Variants in BPNT2 observed in about 807,000 individuals in gnomAD.
BPNT2 encodes Golgi-resident adenosine 3',5'-bisphosphate 3'-phosphatase.
Under a neutral mutation model 29.3 loss-of-function variants are expected in BPNT2, and 11 were observed. The ratio of observed to expected loss-of-function variants is 0.38; its 90% CI spans 0.24 to 0.62. BPNT2 has a LOEUF of 0.62. BPNT2 is among the 20% of genes least tolerant of loss of function. The pLI, the probability that BPNT2 is intolerant of heterozygous loss-of-function variation, is 0.62. For missense variants in BPNT2, 459 were observed against 473.4 expected, an observed-to-expected ratio of 0.97 and a Z score of 0.28; for synonymous variants, 195 against 187.7, an observed-to-expected ratio of 1.04 and a Z score of -0.32.
intron 1 of BPNT2, 103 bp downstream of exon 1, chr8:56,993,096 T>C: frequency 1.3e-6 from 2 of 1,526,392 alleles, no homozygotes; most frequent in Admixed American, 2.0e-5. Flanking sequence ...AATTTCCACA[T>C]CTACAAAATG....
intron 3 of BPNT2, among the ~76,000 whole-genome samples, chr8:56,974,760 C>A (rs1192002679): frequency 6.6e-6 from 1 of 152,120 alleles, no homozygotes; most frequent in African/African-American, 2.4e-5. Flanking sequence ...TTTTTAGAAA[C>A]CACTTTTTGC....
intron 3 of BPNT2, among the ~76,000 whole-genome samples, chr8:56,976,313 C>T (rs1158888451): frequency 6.6e-6 from 1 of 152,138 alleles, no homozygotes; most frequent in Non-Finnish European, 1.5e-5. Context: ...TATATACTGT[C>T]TGTTAGAGAA....
chr8:56,966,144 C>A (rs1805944969), intron 4 of BPNT2, 47 bp downstream of exon 4: 1 of 1,601,082 alleles, frequency 6.2e-7, no homozygotes, highest in Non-Finnish European at 8.6e-7. Flanking sequence ...ATAGCCTTGA[C>A]CATGCCAGGA....
At position 56,960,115 on chromosome 8, in the gene BPNT2, T is replaced by C. The variant is rs1239195142; in HGVS notation, c.*3678A>G. Reference sequence around the variant, plus strand: ...AGAATAATTCCAACAGTTCCTGTTTTAACCTGTCAGATTGTCTCCAAAAGG... The same window carrying C: ...AGAATAATTCCAACAGTTCCTGTTTCAACCTGTCAGATTGTCTCCAAAAGG... On this transcript the variant is annotated 3_prime_UTR_variant, in exon 5 of 5. Coordinates refer to ENST00000262644, the MANE Select transcript of BPNT2 (RefSeq NM_017813.5). 1 of 152,230 alleles carries C rather than the reference T, an allele frequency of 6.6e-6. No homozygotes were observed. The highest frequency in any genetic ancestry group is 1.5e-5 in the Non-Finnish European group (1 of 68,042). 9.4% of individuals were successfully genotyped at this position (152,230 alleles called of 1,614,324 possible). A position where few individuals can be genotyped will look rare whatever the true frequency, so the allele number is the denominator to read the frequency against.
intron 1 of BPNT2, among the ~76,000 whole-genome samples, chr8:56,987,324 G>T (rs570462506): frequency 1.6e-4 from 25 of 152,332 alleles, no homozygotes; most frequent in African/African-American, 4.3e-4. Flanking sequence ...ATTTGTGAGG[G>T]TGTTTCTGGA....
intron 1 of BPNT2, among the ~76,000 whole-genome samples, chr8:56,988,465 G>A (rs542574438): frequency 6.6e-6 from 1 of 152,310 alleles, no homozygotes; most frequent in South Asian, 2.1e-4. Flanking sequence ...TAAGAAGACT[G>A]AAAGAGAAAA....
In BPNT2 at chr8:56,993,337, G is replaced by A; in HGVS notation, c.249C>T (p.Arg83=). ...CGTGGAGGACGTTGCTCTCGCGGAC[G>A]CGCCTCACCTCGTCGCCGCCGCGGA... ...AAVRGGDEVR[R]VRESNVLHEK... is the part of the protein sequence containing the mutation. Residue 83 remains arginine (R), a synonymous_variant, in exon 1 of 5, where the codon CGC becomes CGT. Transcript: ENST00000262644. 1.2e-6 allele frequency: 2 copies of A among 1,611,404 alleles called. No homozygotes were observed. The highest frequency in any genetic ancestry group is 1.7e-6 in the Non-Finnish European group (2 of 1,179,918).
rs1039585429 is a variant in BPNT2, at chr8:56,958,881, G to A, written c.*4912C>T. ...GTCCATAAACGTGCCCTCCTAACAC[G>A]AGAATAAGAAAGGTGGCTGAAGTAG... On this transcript the variant is annotated 3_prime_UTR_variant, in exon 5 of 5. Coordinates refer to ENST00000262644, the MANE Select transcript of BPNT2 (RefSeq NM_017813.5). 2 of 152,170 alleles carry A rather than the reference G, an allele frequency of 1.3e-5. No individual in the cohort carries two copies. Among genetic ancestry groups the A allele is most frequent in the African/African-American group, 2.4e-5 (1 of 41,440 alleles). 9.4% of individuals were successfully genotyped at this position (152,170 alleles called of 1,614,324 possible).
intron 1 of BPNT2, among the ~76,000 whole-genome samples, chr8:56,985,463 C>T (rs1806312900): frequency 6.6e-6 from 1 of 152,124 alleles, no homozygotes; most frequent in Non-Finnish European, 1.5e-5. Flanking sequence ...CCAATCCCTG[C>T]CCCCTCCCGA....
chr8:56,993,657 G>A lies in BPNT2; in HGVS notation c.-72C>T. 8.5e-7 allele frequency: 1 copy of A among 1,180,318 alleles called. No homozygotes were observed. Among genetic ancestry groups the A allele is most frequent in the Non-Finnish European group, 1.0e-6 (1 of 957,756 alleles). 73.1% of individuals were successfully genotyped at this position (1,180,318 alleles called of 1,614,324 possible). On this transcript the variant is annotated 5_prime_UTR_variant, in exon 1 of 5. Transcript: ENST00000262644. ...AGCGCCCGCCGCCGCCGCCGCCGCA[G>A]CCGCCGCGCTCCGGGCCAGGCGCCG...
chr8:56,962,395 A>C lies in BPNT2; in HGVS notation c.*1398T>G, dbSNP rs767114591. On this transcript the variant is annotated 3_prime_UTR_variant, in exon 5 of 5. Coordinates refer to ENST00000262644, the MANE Select transcript of BPNT2 (RefSeq NM_017813.5). ...AAGGGTAAGCTGCTTTATGGTTAAAAAATTTAGCAAAGAAAGAAACCGTGA... is the reference window on the plus strand; with the variant it reads ...AAGGGTAAGCTGCTTTATGGTTAAACAATTTAGCAAAGAAAGAAACCGTGA... The C allele has an allele frequency of 3.3e-5, 5 of 152,214 alleles. No homozygotes were observed. Among genetic ancestry groups the C allele is most frequent in the Non-Finnish European group, 5.9e-5 (4 of 68,038 alleles). The allele number at this position is 152,214 out of a possible 1,614,324, so 9.4% of individuals were successfully genotyped here.
chr8:56,960,468 T>C lies in BPNT2; in HGVS notation c.*3325A>G, dbSNP rs983148105. Reference sequence around the variant, plus strand: ...GGGAGCACCTAACAAACAAGAGGAATTTGCACAACTGTTACTTAAAACATA... The same window carrying C: ...GGGAGCACCTAACAAACAAGAGGAACTTGCACAACTGTTACTTAAAACATA... On this transcript the variant is annotated 3_prime_UTR_variant, in exon 5 of 5. Transcript: ENST00000262644. 6.6e-6 allele frequency: 1 copy of C among 152,316 alleles called. No homozygotes were observed. Among genetic ancestry groups the C allele is most frequent in the South Asian group, 2.1e-4 (1 of 4,828 alleles). The allele number at this position is 152,316 out of a possible 1,614,324, so 9.4% of individuals were successfully genotyped here. A position where few individuals can be genotyped will look rare whatever the true frequency, so the allele number is the denominator to read the frequency against.
intron 1 of BPNT2, among the ~76,000 whole-genome samples, chr8:56,987,553 T>C (rs975214313): frequency 6.6e-6 from 1 of 152,122 alleles, no homozygotes; most frequent in African/African-American, 2.4e-5. Context: ...GCCTTTGGAC[T>C]TGGACTGAAT....
chr8:56,984,409 C>A (rs1806295433), intron 1 of BPNT2, among the ~76,000 whole-genome samples: 1 of 152,192 alleles, frequency 6.6e-6, no homozygotes, highest in Non-Finnish European at 1.5e-5. Flanking sequence ...ATGGTCAACA[C>A]CAGAAAGTCT....
In BPNT2 at chr8:56,993,666, C is replaced by A. The variant is rs963461884; in HGVS notation, c.-81G>T. 5 of 1,143,036 alleles carry A rather than the reference C, an allele frequency of 4.4e-6. No individual in the cohort carries two copies. In the African/African-American group the frequency reaches 6.6e-5, roughly 15 times the overall value. 70.8% of individuals were successfully genotyped at this position (1,143,036 alleles called of 1,614,324 possible). ...CGCCGCCGCCGCCGCAGCCGCCGCG[C>A]TCCGGGCCAGGCGCCGCGCGGGCTA... On this transcript the variant is annotated 5_prime_UTR_variant, in exon 1 of 5. Coordinates refer to ENST00000262644, the MANE Select transcript of BPNT2 (RefSeq NM_017813.5).
chr8:56,975,419 G>C (rs950120028), intron 3 of BPNT2, among the ~76,000 whole-genome samples: 5 of 152,044 alleles, frequency 3.3e-5, no homozygotes, highest in Non-Finnish European at 5.9e-5. Context: ...AAGAAAAAGA[G>C]GGATTCAAAG....
At chr8:56,982,102 A>T (rs1294492889) in intron 1 of BPNT2, among the ~76,000 whole-genome samples, 2 of 152,064 alleles carry the variant, frequency 1.3e-5, no homozygotes, top group Non-Finnish European at 2.9e-5. Flanking sequence ...AGAAACATCA[A>T]ACCGCTTAAA....
intron 1 of BPNT2, among the ~76,000 whole-genome samples, chr8:56,981,719 C>T (rs1806246661): frequency 6.6e-6 from 1 of 152,158 alleles, no homozygotes; most frequent in African/African-American, 2.4e-5. Flanking sequence ...TACTGCCTCA[C>T]CATGAGACTT....
chr8:56,977,911 A>G (rs1285526513), intron 3 of BPNT2, 139 bp downstream of exon 3: 2 of 686,864 alleles, frequency 2.9e-6, no homozygotes, highest in Non-Finnish European at 5.3e-6. Context: ...TGTTTAAGAC[A>G]CATAATTTGT....
Sources: allele counts gnomAD v4.1 joint callset (sites outside exome capture counted in the v4.1 genomes callset), GRCh38; gene constraint gnomAD v4.1.1; transcripts MANE v1.5; gene names NCBI Gene and HGNC (gene_info 2026-07-23, HGNC 2026-07-21).